The following GPBP1 variants were observed in gnomAD, a reference collection of about 807,000 sequenced individuals.
GPBP1 encodes the protein GC-rich promoter binding protein 1, also known as vasculin.
GPBP1 carries 13 observed loss-of-function variants against 56.5 expected under a neutral mutation model. The ratio of observed to expected loss-of-function variants is 0.23; its 90% CI spans 0.15 to 0.37. The LOEUF (loss-of-function observed/expected upper bound fraction) is 0.37. Ranked by LOEUF, GPBP1 falls within the 10% of genes least tolerant of loss-of-function variation. The pLI is 1.00. For synonymous variants in GPBP1, 204 were observed against 188.9 expected (o/e 1.08, Z -0.66); for missense variants, 477 against 572.3 (o/e 0.83, Z 1.70).
chr5:57,219,586 A>G (rs190669389), intron 3 of GPBP1, among the ~76,000 whole-genome samples: 1 of 152,086 alleles, frequency 6.6e-6, no homozygotes, highest in African/African-American at 2.4e-5. Context: ...GGTCCCTGGA[A>G]TTCCCCTGTA....
intron 3 of GPBP1, among the ~76,000 whole-genome samples, chr5:57,227,495 C>T (rs557352625): frequency 6.6e-6 from 1 of 152,202 alleles, no homozygotes; most frequent in Non-Finnish European, 1.5e-5. Context: ...CACCCAGTCC[C>T]CTACACGTTC....
chr5:57,248,610 A>AT (rs1216967792), intron 8 of GPBP1, among the ~76,000 whole-genome samples: 3 of 151,412 alleles, frequency 2.0e-5, no homozygotes, highest in Non-Finnish European at 4.4e-5. Flanking sequence ...ATTTTTTTGT[A>AT]TTTTTAGTAG....
chr5:57,202,999 G>C (rs574259500), intron 2 of GPBP1, among the ~76,000 whole-genome samples: 9 of 152,288 alleles, frequency 5.9e-5, no homozygotes, highest in African/African-American at 2.2e-4. Context: ...GGAAAGAGAA[G>C]CTCAATAAGT....
At chr5:57,230,097 AT>A (rs1027089055) in intron 3 of GPBP1, among the ~76,000 whole-genome samples, 1 of 151,402 alleles carries the variant, frequency 6.6e-6, no homozygotes, top group African/African-American at 2.4e-5. Flanking sequence ...CACCTGGCTC[AT>A]TTTTTTGTGT....
chr5:57,210,433 A>C (rs1468867041), intron 2 of GPBP1, among the ~76,000 whole-genome samples: 1 of 152,174 alleles, frequency 6.6e-6, no homozygotes, highest in Non-Finnish European at 1.5e-5. Flanking sequence ...TCTTAAAAAA[A>C]ATTTTTTTAA....
intron 2 of GPBP1, among the ~76,000 whole-genome samples, chr5:57,176,752 C>T (rs926586421): frequency 1.3e-5 from 2 of 152,316 alleles, no homozygotes; most frequent in Non-Finnish European, 2.9e-5. Context: ...TAATTCACCA[C>T]GTGTCTTCCT....
At chr5:57,203,084 G>A (rs562739690) in intron 2 of GPBP1, among the ~76,000 whole-genome samples, 1 of 152,198 alleles carries the variant, frequency 6.6e-6, no homozygotes, top group Admixed American at 6.5e-5. Flanking sequence ...AAGTAAGTTC[G>A]TTGTAAGTTT....
At chr5:57,216,700 A>AC (rs999219363) in intron 3 of GPBP1, among the ~76,000 whole-genome samples, 1 of 152,158 alleles carries the variant, frequency 6.6e-6, no homozygotes, top group African/African-American at 2.4e-5. Flanking sequence ...ACAAAACAAA[A>AC]CAAAAAACAC....
chr5:57,200,871 G>A (rs1304517827), intron 2 of GPBP1, among the ~76,000 whole-genome samples: 1 of 151,992 alleles, frequency 6.6e-6, no homozygotes, highest in Non-Finnish European at 1.5e-5. Context: ...GTAGAGATGG[G>A]GTATCACCGT....
intron 6 of GPBP1, among the ~76,000 whole-genome samples, chr5:57,242,719 T>TA (rs1412504259): frequency 6.6e-6 from 1 of 152,166 alleles, no homozygotes; most frequent in African/African-American, 2.4e-5. Context: ...GTGCTGGAAT[T>TA]ACAGGTTTGA....
chr5:57,236,099 G>GT (rs1417217439), intron 6 of GPBP1, 67 bp downstream of exon 6: 1 of 1,085,226 alleles, frequency 9.2e-7, no homozygotes, highest in African/African-American at 1.6e-5. Flanking sequence ...CACTTTTTGT[G>GT]TTTTTTAAAA....
rs1561369807 is a variant in GPBP1 at position 57,246,257 on chromosome 5, C to G, written c.479-43C>G. 4 of 1,496,860 alleles carry G rather than the reference C, an allele frequency of 2.7e-6. No individual in the cohort carries two copies. In the South Asian group the frequency reaches 5.0e-5, roughly 19 times the overall value. 92.7% of individuals were successfully genotyped at this position (1,496,860 alleles called of 1,614,324 possible). On this transcript the variant is annotated intron_variant, in intron 6 of 11. Coordinates refer to ENST00000506184, the MANE Select transcript of GPBP1 (RefSeq NM_022913.4). Reference sequence around the variant, plus strand: ...TTGGTGGTTTTATTCTATACTAAAACTTGAAATTGTGAGTGACTCTTGGTC... The same window carrying G: ...TTGGTGGTTTTATTCTATACTAAAAGTTGAAATTGTGAGTGACTCTTGGTC...
rs118185153 is a variant in GPBP1 at position 57,230,174 on chromosome 5, C to T, written c.64-672C>T. Among the ~76,000 whole-genome samples, 229 of 151,950 alleles carry T rather than the reference C, an allele frequency of 1.5e-3. 5 individuals carry two copies. In the East Asian group the frequency reaches 0.038, roughly 25 times the overall value. On this transcript the variant is annotated intron_variant, in intron 3 of 11. Coordinates refer to ENST00000506184, the MANE Select transcript of GPBP1 (RefSeq NM_022913.4). ...CTCGAACTCCCAATCTCAGGTGATC[C>T]GCTTGCCTCGGCCTCCGAAAGTGCT...
At chr5:57,220,196 C>T (rs895791889) in intron 3 of GPBP1, among the ~76,000 whole-genome samples, 51 of 152,060 alleles carry the variant, frequency 3.4e-4, no homozygotes, top group Non-Finnish European at 1.0e-4. Flanking sequence ...CACTATCTTG[C>T]CCAGGCTGGT....
chr5:57,177,693 T>A (rs918479941), intron 2 of GPBP1, among the ~76,000 whole-genome samples: 2 of 141,828 alleles, frequency 1.4e-5, no homozygotes, highest in African/African-American at 5.3e-5. Flanking sequence ...GAGACCTGGG[T>A]TTTCACCTTG....
At chr5:57,207,940 A>G (rs1755304725) in intron 2 of GPBP1, among the ~76,000 whole-genome samples, 1 of 151,852 alleles carries the variant, frequency 6.6e-6, no homozygotes, top group Admixed American at 6.6e-5. Context: ...GTCCCTCTCG[A>G]TGACGTCCAG....
chr5:57,176,112 A>AT lies in GPBP1; in HGVS notation c.-343dup. The AT allele has an allele frequency of 2.5e-6, 1 of 397,966 alleles. No individual in the cohort carries two copies. Among genetic ancestry groups the AT allele is most frequent in the East Asian group, 3.6e-5 (1 of 28,018 alleles). 24.7% of individuals were successfully genotyped at this position (397,966 alleles called of 1,614,324 possible). A position where few individuals can be genotyped will look rare whatever the true frequency, so the allele number is the denominator to read the frequency against. On this transcript the variant is annotated 5_prime_UTR_variant, in exon 2 of 12. Coordinates refer to ENST00000506184, the MANE Select transcript of GPBP1 (RefSeq NM_022913.4). ...TTGCTTTTTGGCTCGTAAATTGGATATTTCATCTGGAGTGGACAAGTACAA... is the reference window on the plus strand; with the variant it reads ...TTGCTTTTTGGCTCGTAAATTGGATATTTTCATCTGGAGTGGACAAGTACAA...
chr5:57,181,982 T>C (rs1308230835), intron 2 of GPBP1, among the ~76,000 whole-genome samples: 1 of 152,180 alleles, frequency 6.6e-6, no homozygotes, highest in Non-Finnish European at 1.5e-5. Flanking sequence ...TCTGCATCTT[T>C]TTATATACAA....
intron 2 of GPBP1, among the ~76,000 whole-genome samples, chr5:57,185,278 A>G (rs940158843): frequency 8.9e-5 from 12 of 134,914 alleles, no homozygotes; most frequent in African/African-American, 3.3e-4. Flanking sequence ...TTTTTTTTTT[A>G]AAGACAGAGT....
Sources: gnomAD v4.1 joint callset for allele counts (sites outside exome capture counted in the v4.1 genomes callset) on GRCh38, gnomAD v4.1.1 for gene constraint, MANE v1.5 for transcripts, NCBI Gene and HGNC (gene_info 2026-07-23, HGNC 2026-07-21) for gene names.